Variants in NPAS3 observed in about 807,000 individuals in gnomAD.
NPAS3 encodes the protein neuronal PAS domain protein 3, also known as neuronal PAS domain-containing protein 3.
Under a neutral mutation model 73.1 loss-of-function variants are expected in NPAS3, and 14 were observed. That is an observed-to-expected ratio of 0.19 (90% CI 0.13 to 0.30). The LOEUF is 0.30. Among genes scored for constraint, NPAS3 ranks in the 10% least tolerant of loss-of-function variants. NPAS3 has a pLI of 1.00. For synonymous variants in NPAS3, 620 were observed against 541.5 expected (o/e 1.14, Z -2.01); for missense variants, 1,096 against 1,250.0 (o/e 0.88, Z 1.86).
intron 3 of NPAS3, among the ~76,000 whole-genome samples, chr14:33,251,456 AT>A (rs751676055): frequency 6.6e-6 from 1 of 152,080 alleles, no homozygotes; most frequent in East Asian, 1.9e-4. Flanking sequence ...ACTGGGTATG[AT>A]TATAGCCACT....
intron 1 of NPAS3, among the ~76,000 whole-genome samples, chr14:33,016,325 C>T (rs2039391006): frequency 6.6e-6 from 1 of 152,040 alleles, no homozygotes; most frequent in South Asian, 2.1e-4. Context: ...GGTAGATAAT[C>T]TAAAAATGTG....
intron 1 of NPAS3, among the ~76,000 whole-genome samples, chr14:33,028,843 A>C (rs998114116): frequency 6.6e-6 from 1 of 152,164 alleles, no homozygotes; most frequent in East Asian, 1.9e-4. Context: ...GTTTCATTTA[A>C]GTTCCAGTAT....
intron 4 of NPAS3, among the ~76,000 whole-genome samples, chr14:33,430,148 G>T (rs1353885703): frequency 6.6e-6 from 1 of 152,162 alleles, no homozygotes; most frequent in Non-Finnish European, 1.5e-5. Context: ...GGTGCTTGTT[G>T]TTGCTCTTGC....
intron 2 of NPAS3, among the ~76,000 whole-genome samples, chr14:33,069,366 G>T (rs1595373688): frequency 6.6e-6 from 1 of 152,170 alleles, no homozygotes; most frequent in Non-Finnish European, 1.5e-5. Context: ...CAATAACATT[G>T]CAAGTTCCTT....
At chr14:33,280,928 A>G (rs2041576088) in intron 3 of NPAS3, among the ~76,000 whole-genome samples, 1 of 152,200 alleles carries the variant, frequency 6.6e-6, no homozygotes, top group East Asian at 1.9e-4. Context: ...ATTTACAAGA[A>G]GTGAAAGTAA....
intron 3 of NPAS3, among the ~76,000 whole-genome samples, chr14:33,256,593 T>G (rs929731365): frequency 1.3e-5 from 2 of 152,184 alleles, no homozygotes; most frequent in African/African-American, 4.8e-5. Flanking sequence ...GTTTTTGCTT[T>G]ACACTGGCCG....
rs1263843858 is a variant in NPAS3, at chr14:33,800,201, G to C, written c.1894G>C (p.Glu632Gln). 1 of 1,612,098 alleles carries C rather than the reference G, an allele frequency of 6.2e-7. No homozygotes were observed. Among genetic ancestry groups the C allele is most frequent in the South Asian group, 1.1e-5 (1 of 91,020 alleles). ...AGGCGGCCTGGACGCGGGCCTGGTG[G>C]AGCCCCCGCGGCTGCTGTCCTCCCC... Residue 632 changes from glutamate (E) to glutamine (Q), a missense_variant, in exon 12 of 12, where the codon GAG (glutamate) becomes CAG (glutamine). Transcript: ENST00000356141. This position sits in a 1 kb window ranked among gnomAD's most constrained non-coding sequence, Gnocchi z 6.5.
At chr14:33,053,123 T>G (rs942674799) in intron 1 of NPAS3, among the ~76,000 whole-genome samples, 5 of 152,202 alleles carry the variant, frequency 3.3e-5, no homozygotes, top group African/African-American at 1.2e-4. Context: ...TAGCCAACTG[T>G]AGGACTTGCC....
chr14:33,725,018 T>C (rs1013575175), intron 6 of NPAS3, among the ~76,000 whole-genome samples: 3 of 152,296 alleles, frequency 2.0e-5, no homozygotes, highest in Non-Finnish European at 2.9e-5. Context: ...TTGAAAGTGA[T>C]GTAATAATAC....
chr14:33,121,884 C>A (rs540406499), intron 2 of NPAS3, among the ~76,000 whole-genome samples: 1 of 152,084 alleles, frequency 6.6e-6, no homozygotes, highest in Non-Finnish European at 1.5e-5. Context: ...AATTGTATCT[C>A]ACTTATTACT....
chr14:33,143,234 G>A (rs2044120015), intron 2 of NPAS3, among the ~76,000 whole-genome samples: 1 of 152,180 alleles, frequency 6.6e-6, no homozygotes. Context: ...GCTCACGCCT[G>A]TAATCACAGC....
At chr14:33,697,985 G>A (rs1394314981) in intron 6 of NPAS3, among the ~76,000 whole-genome samples, 1 of 152,192 alleles carries the variant, frequency 6.6e-6, no homozygotes, top group Non-Finnish European at 1.5e-5. Context: ...CTTACTATTT[G>A]AGAAGAGTAT....
At chr14:33,776,933 T>A (rs1263674677) in intron 8 of NPAS3, among the ~76,000 whole-genome samples, 1 of 152,188 alleles carries the variant, frequency 6.6e-6, no homozygotes, top group Non-Finnish European at 1.5e-5. Context: ...TTGGATCGTT[T>A]TTTAAGGATT....
chr14:33,043,624 T>G (rs930369831), intron 1 of NPAS3, among the ~76,000 whole-genome samples: 21 of 152,186 alleles, frequency 1.4e-4, no homozygotes, highest in Admixed American at 1.3e-3. Context: ...TGGTTCTACC[T>G]GTTTACCTTT....
intron 2 of NPAS3, among the ~76,000 whole-genome samples, chr14:33,173,553 G>A (rs1177210924): frequency 6.6e-6 from 1 of 151,964 alleles, no homozygotes; most frequent in Non-Finnish European, 1.5e-5. Context: ...TCAGCTATTT[G>A]AAAAAAAGAT....
rs547104040 is a variant in NPAS3, at chr14:33,743,668, T to C, written c.852+8336T>C. On this transcript the variant is annotated intron_variant, in intron 7 of 11. Coordinates refer to ENST00000356141, the Ensembl canonical transcript of NPAS3. ...TAAAGCTAAACATTGATGACTTCTC[T>C]CTAGCTATGAAAATCCTAGATGGCA... is the stretch of plus-strand genomic sequence containing the variant. Among the ~76,000 whole-genome samples the C allele has an allele frequency of 2.4e-4, 37 of 152,350 alleles. 2 individuals carry two copies. In the South Asian group the frequency reaches 7.5e-3, roughly 31 times the overall value.
At chr14:33,275,231 GT>G (rs2041275957) in intron 3 of NPAS3, among the ~76,000 whole-genome samples, 1 of 152,134 alleles carries the variant, frequency 6.6e-6, no homozygotes, top group Admixed American at 6.6e-5. Context: ...CCACCAGCAT[GT>G]TTTTTGTGGT....
chr14:33,279,195 G>A (rs547037475), intron 3 of NPAS3, among the ~76,000 whole-genome samples: 4 of 152,160 alleles, frequency 2.6e-5, no homozygotes, highest in East Asian at 1.9e-4. Flanking sequence ...TGGTGGTTCC[G>A]GGACCATACT....
At chr14:33,717,230 CA>C (rs35800734) in intron 6 of NPAS3, among the ~76,000 whole-genome samples, 25,517 of 102,098 alleles carry the variant, frequency 0.25, 2,299 homozygotes, top group Admixed American at 0.35. Context: ...TGATCATGGC[CA>C]AAAAAAAAAA....
Sources: allele counts gnomAD v4.1 joint callset (sites outside exome capture counted in the v4.1 genomes callset), GRCh38; gene constraint gnomAD v4.1.1; non-coding constraint Gnocchi (gnomAD v3.1); transcripts MANE v1.5; gene names NCBI Gene and HGNC (gene_info 2026-07-23, HGNC 2026-07-21).